The following REDIC1 variants were observed in gnomAD, a reference collection of about 807,000 sequenced individuals.
REDIC1 encodes the protein regulator of DNA class I crossover intermediates 1, also known as HEI10 Interacting Protein 1.
At chr12:39,864,823 G>T in the REDIC1 span, 1 of 1,613,960 alleles carries the variant, frequency 6.2e-7, no homozygotes, top group Non-Finnish European at 8.5e-7. Flanking sequence ...GTGATGCGTG[G>T]GGAAACTTGG....
At chr12:39,873,319 T>C in the REDIC1 span, among the ~76,000 whole-genome samples, 1 of 152,198 alleles carries the variant, frequency 6.6e-6, no homozygotes, top group Admixed American at 6.5e-5. Flanking sequence ...TGCGAATGTT[T>C]TGCAGTCAGA....
chr12:39,836,045 A>G, the REDIC1 span, among the ~76,000 whole-genome samples: 4 of 152,148 alleles, frequency 2.6e-5, no homozygotes, highest in Admixed American at 2.0e-4. Flanking sequence ...AGCAAGGGCC[A>G]GTTTCGTTGA....
chr12:39,844,779 C>T, the REDIC1 span, among the ~76,000 whole-genome samples: 943 of 151,978 alleles, frequency 6.2e-3, 12 homozygotes, highest in African/African-American at 0.021. Flanking sequence ...CTTCCCTCAT[C>T]TGACAAATTA....
At chr12:39,690,572 ATATAT>A in the REDIC1 span, among the ~76,000 whole-genome samples, 1 of 152,208 alleles carries the variant, frequency 6.6e-6, no homozygotes, top group Non-Finnish European at 1.5e-5. Context: ...ATATGAATTA[ATATAT>A]TGAATATGAA....
chr12:39,891,610 G>T, the REDIC1 span, among the ~76,000 whole-genome samples: 3 of 152,140 alleles, frequency 2.0e-5, no homozygotes, highest in Non-Finnish European at 4.4e-5. Context: ...TGGAAATAAT[G>T]AGTATCATTT....
chr12:39,640,839 G>A, the REDIC1 span: 1 of 589,324 alleles, frequency 1.7e-6, no homozygotes, highest in Non-Finnish European at 2.9e-6. Flanking sequence ...CAGAAAAAAT[G>A]CAATGATACT....
chr12:39,801,200 A>C, the REDIC1 span, among the ~76,000 whole-genome samples: 1 of 123,176 alleles, frequency 8.1e-6, no homozygotes, highest in Non-Finnish European at 1.7e-5. Flanking sequence ...TACATATGTA[A>C]CTAACCTGCA....
At chr12:39,684,177 TG>T in the REDIC1 span, 1 of 1,036,574 alleles carries the variant, frequency 9.6e-7, no homozygotes, top group Non-Finnish European at 1.2e-6. Context: ...CATTATGTGT[TG>T]ATGTTAAATT....
chr12:39,864,821 T>C, the REDIC1 span: 1 of 1,613,958 alleles, frequency 6.2e-7, no homozygotes, highest in Non-Finnish European at 8.5e-7. Flanking sequence ...AAGTGATGCG[T>C]GGGGAAACTT....
chr12:39,714,057 ACG>A, the REDIC1 span, among the ~76,000 whole-genome samples: 1 of 147,386 alleles, frequency 6.8e-6, no homozygotes, highest in Non-Finnish European at 1.5e-5. Context: ...ATGTATATAC[ACG>A]TATGTGTATA....
chr12:39,753,679 C>T, the REDIC1 span, among the ~76,000 whole-genome samples: 18 of 152,296 alleles, frequency 1.2e-4, no homozygotes, highest in Non-Finnish European at 2.2e-4. Flanking sequence ...GTGCTTTGAA[C>T]ATTGTGACCT....
At chr12:39,786,049 T>A in the REDIC1 span, among the ~76,000 whole-genome samples, 6 of 152,092 alleles carry the variant, frequency 3.9e-5, no homozygotes, top group African/African-American at 1.4e-4. Flanking sequence ...TGAAATGAGT[T>A]AAGAATTTGC....
chr12:39,684,761 T>C, the REDIC1 span: 2 of 712,558 alleles, frequency 2.8e-6, no homozygotes, highest in Non-Finnish European at 4.7e-6. Flanking sequence ...TAAGAAAGCT[T>C]CCCATATAAT....
chr12:39,794,184 A>T, the REDIC1 span, among the ~76,000 whole-genome samples: 1 of 147,948 alleles, frequency 6.8e-6, no homozygotes, highest in African/African-American at 2.5e-5. Context: ...AAATTGCAAG[A>T]GTTGCCTGAA....
chr12:39,694,502 A>G, the REDIC1 span, among the ~76,000 whole-genome samples: 1 of 152,194 alleles, frequency 6.6e-6, no homozygotes, highest in African/African-American at 2.4e-5. Flanking sequence ...ACAGAAAGCA[A>G]AATTGGACCA....
At chr12:39,894,609 T>C in the REDIC1 span, among the ~76,000 whole-genome samples, 17 of 152,198 alleles carry the variant, frequency 1.1e-4, no homozygotes, top group African/African-American at 3.4e-4. Context: ...ACTGAAATGA[T>C]TACAAGGGAA....
At chr12:39,731,987 G>A in the REDIC1 span, among the ~76,000 whole-genome samples, 1 of 152,172 alleles carries the variant, frequency 6.6e-6, no homozygotes, top group African/African-American at 2.4e-5. Flanking sequence ...AGCTACCTGA[G>A]AAGCCCTTTC....
the REDIC1 span, among the ~76,000 whole-genome samples, chr12:39,811,752 G>A: frequency 6.6e-6 from 1 of 151,900 alleles, no homozygotes; most frequent in African/African-American, 2.4e-5. Flanking sequence ...CCTTAATCTG[G>A]AGTCTTTGTC....
the REDIC1 span, among the ~76,000 whole-genome samples, chr12:39,689,970 G>A: frequency 1.3e-5 from 2 of 152,204 alleles, no homozygotes; most frequent in South Asian, 4.1e-4. Flanking sequence ...GGAATCAGGT[G>A]CTATGAGGAG....
Sources: gnomAD v4.1 joint callset for allele counts (sites outside exome capture counted in the v4.1 genomes callset) on GRCh38, gnomAD v4.1.1 for gene constraint, MANE v1.5 for transcripts, NCBI Gene and HGNC (gene_info 2026-07-23, HGNC 2026-07-21) for gene names.